Variants in PCDHGB2 observed in about 807,000 individuals in gnomAD.
The protein encoded by PCDHGB2 is protocadherin gamma-B2.
A neutral mutation model predicts 59.3 loss-of-function variants in PCDHGB2; 55 were observed. The ratio of observed to expected loss-of-function variants is 0.93; its 90% CI spans 0.75 to 1.16. The LOEUF (loss-of-function observed/expected upper bound fraction) is 1.16. Among genes scored for constraint, PCDHGB2 ranks in the 50% most tolerant of loss-of-function variants. PCDHGB2 has a pLI of 0.00. For synonymous variants in PCDHGB2, 516 were observed against 512.0 expected, an observed-to-expected ratio of 1.01 and a Z score of -0.11; for missense variants, 1,228 against 1,198.5, an observed-to-expected ratio of 1.02 and a Z score of -0.36.
intron 1 of PCDHGB2, among the ~76,000 whole-genome samples, chr5:141,386,304 C>T (rs1239396408): frequency 6.6e-6 from 1 of 152,104 alleles, no homozygotes; most frequent in African/African-American, 2.4e-5. Flanking sequence ...TAGTAAAGCT[C>T]AGTATATCAA....
intron 1 of PCDHGB2, among the ~76,000 whole-genome samples, chr5:141,442,726 C>A (rs1160438073): frequency 2.6e-5 from 4 of 152,060 alleles, no homozygotes; most frequent in Non-Finnish European, 5.9e-5. Context: ...GCATTTGGGG[C>A]CTGTAGGTAA....
Position 141,486,998 on chromosome 5 carries a change from C to G in PCDHGB2, c.2422-7809C>G, listed in dbSNP as rs754609128. On this transcript the variant is annotated intron_variant, in intron 1 of 3. Coordinates refer to ENST00000522605, the MANE Select transcript of PCDHGB2 (RefSeq NM_018923.3). The surrounding 1 kb of genome is among the most constrained non-coding windows in gnomAD (Gnocchi z 5.0). ...AGGTTACAATGCTTGGGTTTCCTAT[C>G]AGCTCCTGGAGGCCCCAGATCCCAG... The G allele has an allele frequency of 6.2e-7, 1 of 1,614,206 alleles. No homozygotes were observed. Among genetic ancestry groups the G allele is most frequent in the Non-Finnish European group, 8.5e-7 (1 of 1,180,034 alleles).
chr5:141,413,010 C>A, intron 1 of PCDHGB2: 1 of 640,210 alleles, frequency 1.6e-6, no homozygotes. Flanking sequence ...AGGGCTTCAA[C>A]TACACAAGCC....
chr5:141,370,854 C>G, intron 1 of PCDHGB2: 1 of 1,614,054 alleles, frequency 6.2e-7, no homozygotes, highest in Non-Finnish European at 8.5e-7. Context: ...CACATTTGCC[C>G]TGGAATCTGC....
At chr5:141,371,970 CG>C (rs748554819) in intron 1 of PCDHGB2, 402 of 1,613,132 alleles carry the variant, frequency 2.5e-4, no homozygotes, top group Non-Finnish European at 5.5e-5. Context: ...CGAGCAGCTG[CG>C]TGCCTTCGAG....
At chr5:141,410,216 C>T in intron 1 of PCDHGB2, 1 of 1,614,002 alleles carries the variant, frequency 6.2e-7, no homozygotes, top group Non-Finnish European at 8.5e-7. Flanking sequence ...GCAAGAGATA[C>T]TGCCAGACCT....
At chr5:141,379,467 G>A (rs1337785290) in intron 1 of PCDHGB2, 1 of 152,222 alleles carries the variant, frequency 6.6e-6, no homozygotes, top group Non-Finnish European at 1.5e-5. Context: ...CTCTGAAAGT[G>A]TGAATGTTAT....
chr5:141,483,350 G>C (rs2099580423), intron 1 of PCDHGB2, among the ~76,000 whole-genome samples: 4 of 152,172 alleles, frequency 2.6e-5, no homozygotes, highest in Admixed American at 1.3e-4. Flanking sequence ...CTTTGCAATA[G>C]TTTGAAAGCT....
chr5:141,399,996 C>A (rs753801667), intron 1 of PCDHGB2: 5 of 1,612,402 alleles, frequency 3.1e-6, no homozygotes, highest in Non-Finnish European at 4.2e-6. Flanking sequence ...GAGAGGTGCG[C>A]ACAGCGCGTG....
intron 1 of PCDHGB2, chr5:141,418,417 T>C: frequency 6.2e-7 from 1 of 1,614,002 alleles, no homozygotes; most frequent in Non-Finnish European, 8.5e-7. Flanking sequence ...AAGACAATCC[T>C]GATGGTGGCA....
intron 1 of PCDHGB2, chr5:141,413,119 G>C: frequency 6.6e-7 from 1 of 1,522,222 alleles, no homozygotes; most frequent in Non-Finnish European, 8.8e-7. Flanking sequence ...AAAGGAACCG[G>C]TTGAAACACA....
chr5:141,415,136 G>C (rs763832284), intron 1 of PCDHGB2: 1 of 1,613,548 alleles, frequency 6.2e-7, no homozygotes, highest in Admixed American at 1.7e-5. Flanking sequence ...CAGGACCACG[G>C]CCAGCCCCCT....
At chr5:141,441,852 G>A in intron 1 of PCDHGB2, 1 of 352,826 alleles carries the variant, frequency 2.8e-6, no homozygotes, top group South Asian at 2.4e-5. Flanking sequence ...TGGATATGGT[G>A]CTGCACGCCG....
At chr5:141,469,438 G>T (rs2099201339) in intron 1 of PCDHGB2, among the ~76,000 whole-genome samples, 1 of 152,112 alleles carries the variant, frequency 6.6e-6, no homozygotes, top group African/African-American at 2.4e-5. Flanking sequence ...AGCTGGGCGT[G>T]GTGGTGCACA....
chr5:141,383,003 T>G, intron 1 of PCDHGB2: 2 of 1,613,734 alleles, frequency 1.2e-6, no homozygotes, highest in Non-Finnish European at 1.7e-6. Flanking sequence ...CTCTACTCCG[T>G]GTCGGAGGAG....
intron 2 of PCDHGB2, among the ~76,000 whole-genome samples, chr5:141,504,422 T>G (rs1375202110): frequency 6.6e-6 from 1 of 152,078 alleles, no homozygotes; most frequent in Admixed American, 6.6e-5. Context: ...AGACAGGCAC[T>G]ACAACAGCTG....
chr5:141,455,593 C>T (rs957677108), intron 1 of PCDHGB2, among the ~76,000 whole-genome samples: 4 of 152,070 alleles, frequency 2.6e-5, no homozygotes, highest in Non-Finnish European at 5.9e-5. Flanking sequence ...AATATGCAAA[C>T]GTAGGGCGCC....
At position 141,361,052 on chromosome 5, in the gene PCDHGB2, A is replaced by T; in HGVS notation, c.917A>T (p.Asp306Val). 1 of 1,613,800 alleles carries T rather than the reference A, an allele frequency of 6.2e-7. No individual in the cohort carries two copies. Among genetic ancestry groups the T allele is most frequent in the South Asian group, 1.1e-5 (1 of 91,034 alleles). ...ACAGGAGAAATCACGACAAAGGATG[A>T]TTTGGATTTTGAGATTGCAAGTAGT... ...EKTGEITTKD[D>V]LDFEIASSYT... Residue 306 changes from aspartate (D) to valine (V), a missense_variant, in exon 1 of 4, where the codon GAT becomes GTT. Physicochemically the swap from Asp to Val is radical, Grantham distance 152 (BLOSUM62 -3). Transcript: ENST00000522605.
chr5:141,448,145 A>G (rs2098568457), intron 1 of PCDHGB2, among the ~76,000 whole-genome samples: 1 of 151,716 alleles, frequency 6.6e-6, no homozygotes, highest in South Asian at 2.1e-4. Flanking sequence ...TATACCTCAG[A>G]CTCACCCCTG....
Sources: gnomAD v4.1 joint callset for allele counts (sites outside exome capture counted in the v4.1 genomes callset) on GRCh38, gnomAD v4.1.1 for gene constraint, Gnocchi (gnomAD v3.1) non-coding constraint, MANE v1.5 for transcripts, NCBI Gene and HGNC (gene_info 2026-07-23, HGNC 2026-07-21) for gene names.